Variants in ITSN1 observed in about 807,000 individuals in gnomAD.
The protein encoded by ITSN1 is intersectin-1.
A neutral mutation model predicts 239.8 loss-of-function variants in ITSN1; 58 were observed. That is an observed-to-expected ratio of 0.24 (90% CI 0.20 to 0.30). The LOEUF (loss-of-function observed/expected upper bound fraction) is 0.30, where lower values mean the gene tolerates loss of function less well. ITSN1 is among the 10% of genes least tolerant of loss of function. The probability of loss-of-function intolerance (pLI) is 1.00; values close to 1 mark genes in which losing one functional copy is unlikely to be tolerated. For synonymous variants in ITSN1, 780 were observed against 770.8 expected (o/e 1.01, Z -0.20); for missense variants, 1,558 against 2,103.3 (o/e 0.74, Z 5.07).
At chr21:33,656,034 A>G (rs572947421) in intron 1 of ITSN1, among the ~76,000 whole-genome samples, 10 of 152,164 alleles carry the variant, frequency 6.6e-5, no homozygotes, top group South Asian at 6.2e-4. Flanking sequence ...TTGTATTTGT[A>G]TGAGCTTTTT....
rs116263786 is a variant in ITSN1, at chr21:33,697,385, A to C, written c.-32-21412A>C. Among the ~76,000 whole-genome samples, 548 of 151,858 alleles carry C rather than the reference A, an allele frequency of 3.6e-3. 2 individuals are homozygous for C. Among genetic ancestry groups the C allele is most frequent in the African/African-American group, 0.013 (519 of 41,418 alleles). The stretch of plus-strand genomic sequence containing the variant: ...GTGTGAGCCACTGTGCCTAGCCTAG[A>C]TTATCTCTTCTTTAGTGACTGTATA... On this transcript the variant is annotated intron_variant, in intron 1 of 39. Transcript: ENST00000381318.
At chr21:33,694,868 G>A (rs893659562) in intron 1 of ITSN1, among the ~76,000 whole-genome samples, 4 of 152,204 alleles carry the variant, frequency 2.6e-5, no homozygotes, top group African/African-American at 4.8e-5. Context: ...AGGCTGCAAT[G>A]CAGTGGTGCA....
chr21:33,896,858 G>A lies in ITSN1; in HGVS notation c.*8558G>A, dbSNP rs1986813414. 1 of 152,208 alleles carries A rather than the reference G, an allele frequency of 6.6e-6. No individual in the cohort carries two copies. Among genetic ancestry groups the A allele is most frequent in the South Asian group, 2.1e-4 (1 of 4,822 alleles). The allele number at this position is 152,208 out of a possible 1,614,324, so 9.4% of individuals were successfully genotyped here. On this transcript the variant is annotated 3_prime_UTR_variant, in exon 40 of 40. Transcript: ENST00000381318. ...AATCCTCACTATGTTTCCTGATTCT[G>A]TCTGGGATTATATTTGCTAAGTAAA...
chr21:33,723,647 C>T (rs1399316444), intron 4 of ITSN1, among the ~76,000 whole-genome samples: 1 of 152,194 alleles, frequency 6.6e-6, no homozygotes, highest in Non-Finnish European at 1.5e-5. Context: ...TGTAGTCGTA[C>T]ACCTGAGTTT....
At chr21:33,767,604 A>G (rs889476915) in intron 10 of ITSN1, 109 bp from the exon 11 acceptor site, 2 of 518,310 alleles carry the variant, frequency 3.9e-6, no homozygotes, top group Middle Eastern at 2.9e-4. Flanking sequence ...TGTAAATGAA[A>G]TTTGCTCCAT....
At position 33,899,785 on chromosome 21, in the gene ITSN1, CA is replaced by C. The variant is rs879161558; in HGVS notation, c.*11491del. 6.7e-6 allele frequency: 1 copy of C among 150,344 alleles called. No individual in the cohort carries two copies. The highest frequency in any genetic ancestry group is 1.5e-5 in the Non-Finnish European group (1 of 67,696). The allele number at this position is 150,344 out of a possible 1,614,324, so 9.3% of individuals were successfully genotyped here. On this transcript the variant is annotated 3_prime_UTR_variant, in exon 40 of 40. Coordinates refer to ENST00000381318, the MANE Select transcript of ITSN1 (RefSeq NM_003024.3). ...ATCTCTTCAAAAACAAAAACAAAAACAAAAAACAACTCTTTGGTCATTTTGA... is the reference window on the plus strand; with the variant it reads ...ATCTCTTCAAAAACAAAAACAAAAACAAAAACAACTCTTTGGTCATTTTGA...
intron 20 of ITSN1, among the ~76,000 whole-genome samples, chr21:33,808,884 C>G (rs943468388): frequency 1.3e-5 from 2 of 152,176 alleles, no homozygotes; most frequent in Non-Finnish European, 2.9e-5. Context: ...TGCCTGACAT[C>G]ACCTTTGGTC....
chr21:33,886,147 G>T (rs913274807), intron 38 of ITSN1, 140 bp from the exon 39 acceptor site: 8 of 639,860 alleles, frequency 1.3e-5, no homozygotes, highest in Admixed American at 6.0e-5. Context: ...AGGAGGTGGA[G>T]GTTGCAATGA....
rs138725008 is a variant in ITSN1 at position 33,856,883 on chromosome 21, C to T, written c.3783+26C>T. 825 of 1,609,748 alleles carry T rather than the reference C, an allele frequency of 5.1e-4. 15 individuals are homozygous for T. In the East Asian group the frequency reaches 0.018, roughly 36 times the overall value. On this transcript the variant is annotated intron_variant, in intron 30 of 39. Transcript: ENST00000381318. ...GTAAGGGAGCTGGTGGGGCAGGGGG[C>T]ACGGCAGGGGGCGATGACGGAGGGA...
intron 1 of ITSN1, among the ~76,000 whole-genome samples, chr21:33,645,485 T>A (rs908121681): frequency 1.7e-4 from 22 of 127,532 alleles, no homozygotes; most frequent in Admixed American, 5.2e-4. Context: ...TAAAAAAAAA[T>A]TTTTTTTAAT....
At chr21:33,826,666 A>G (rs916074143) in intron 25 of ITSN1, 152 bp from the exon 26 acceptor site, 7 of 635,108 alleles carry the variant, frequency 1.1e-5, no homozygotes, top group Admixed American at 7.9e-5. Context: ...TTCCTGATCT[A>G]TATCCTTGTG....
chr21:33,833,045 A>G (rs938870520), intron 27 of ITSN1, among the ~76,000 whole-genome samples: 1 of 151,810 alleles, frequency 6.6e-6, no homozygotes, highest in African/African-American at 2.4e-5. Flanking sequence ...TGTATGCACA[A>G]GTAGTTTTGG....
Position 33,882,452 on chromosome 21 carries a change from A to G in ITSN1, c.4551A>G (p.Lys1517=). 6.2e-7 allele frequency: 1 copy of G among 1,612,414 alleles called. No homozygotes were observed. Among genetic ancestry groups the G allele is most frequent in the East Asian group, 2.2e-5 (1 of 44,874 alleles). The part of the protein sequence containing the change: ...PKSNLQYKMY[K]TPIFLNEVLV... ...CAAACCTGCAGTATAAAATGTATAA[A>G]ACAGTAAGTTGGATTCTAGATTTTG... is the stretch of plus-strand genomic sequence containing the variant. Residue 1517 remains lysine, a synonymous_variant, in exon 35 of 40, where the codon AAA becomes AAG. Transcript: ENST00000381318. This position sits in a 1 kb window ranked among gnomAD's most constrained non-coding sequence, Gnocchi z 4.5.
intron 1 of ITSN1, among the ~76,000 whole-genome samples, chr21:33,717,562 CT>C (rs2065225017): frequency 6.6e-6 from 1 of 151,900 alleles, no homozygotes; most frequent in Non-Finnish European, 1.5e-5. Flanking sequence ...TTCACTAAAT[CT>C]GGATTTTTTT....
chr21:33,897,064 C>T lies in ITSN1; in HGVS notation c.*8764C>T, dbSNP rs956460968. ...GTCAGCATTAGTTTTAATGAATGAA[C>T]ATTTGAGGTACATTCTATAAATCAA... On this transcript the variant is annotated 3_prime_UTR_variant, in exon 40 of 40. Transcript: ENST00000381318. The T allele has an allele frequency of 6.6e-6, 1 of 152,192 alleles. No homozygotes were observed. Among genetic ancestry groups the T allele is most frequent in the African/African-American group, 2.4e-5 (1 of 41,426 alleles). The allele number at this position is 152,192 out of a possible 1,614,324, so 9.4% of individuals were successfully genotyped here.
chr21:33,785,744 C>T (rs896464325), intron 16 of ITSN1, among the ~76,000 whole-genome samples: 5 of 152,226 alleles, frequency 3.3e-5, no homozygotes, highest in East Asian at 3.9e-4. Flanking sequence ...TATTCAAAGT[C>T]GTGGGCCTTT....
chr21:33,817,732 A>G (rs1279849142), intron 22 of ITSN1: 3 of 904,118 alleles, frequency 3.3e-6, no homozygotes, highest in African/African-American at 1.8e-5. Flanking sequence ...GGTAATTACA[A>G]TGAATTTATG....
At position 33,722,660 on chromosome 21, in the gene ITSN1, G is replaced by A; in HGVS notation, c.185+9G>A. 3 of 1,549,794 alleles carry A rather than the reference G, an allele frequency of 1.9e-6. No individual in the cohort carries two copies. The highest frequency in any genetic ancestry group is 2.6e-6 in the Non-Finnish European group (3 of 1,156,680). On this transcript the variant is annotated intron_variant, in intron 4 of 39. Transcript: ENST00000381318. ...GTTTTAGCACAGATATGGTAAGTTG[G>A]AATTTTACATGAAATTTTACATAAG...
chr21:33,846,860 C>T (rs1251052486), intron 29 of ITSN1, among the ~76,000 whole-genome samples: 1 of 152,198 alleles, frequency 6.6e-6, no homozygotes, highest in Non-Finnish European at 1.5e-5. Flanking sequence ...AATAAGTTCT[C>T]ATGAAAAGAC....
Sources: gnomAD v4.1 joint callset for allele counts (sites outside exome capture counted in the v4.1 genomes callset) on GRCh38, gnomAD v4.1.1 for gene constraint, Gnocchi (gnomAD v3.1) non-coding constraint, MANE v1.5 for transcripts, NCBI Gene and HGNC (gene_info 2026-07-23, HGNC 2026-07-21) for gene names.